AQP4: variants seen among roughly 807,000 people sequenced by gnomAD.
AQP4 encodes aquaporin-4.
A neutral mutation model predicts 27.8 loss-of-function variants in AQP4; 18 were observed. The ratio of observed to expected loss-of-function variants is 0.65; its 90% CI spans 0.45 to 0.96. AQP4 has a LOEUF of 0.96. Among genes scored for constraint, AQP4 ranks in the 40% least tolerant of loss-of-function variants. AQP4 has a pLI of 0.00. For missense variants in AQP4, 412 were observed against 408.2 expected (o/e 1.01, Z -0.08); for synonymous variants, 141 against 142.9 (o/e 0.99, Z 0.10).
intron 1 of AQP4, 76 bp downstream of exon 1, chr18:26,865,582 C>T (rs1568072189): frequency 1.3e-6 from 2 of 1,599,402 alleles, no homozygotes; most frequent in Admixed American, 3.3e-5. Context: ...TAAGAAGGCA[C>T]AAACATCTAT....
In AQP4 at chr18:26,855,260, A is replaced by C. The variant is rs780426389; in HGVS notation, c.*951T>G. On this transcript the variant is annotated 3_prime_UTR_variant, in exon 5 of 5. Coordinates refer to ENST00000383168, the MANE Select transcript of AQP4 (RefSeq NM_001650.7). The stretch of plus-strand genomic sequence containing the variant: ...AAAATATGTCTCAGCTAATGTTTAA[A>C]TATAGATAACCAAAGTTACAAACAA... 1 of 152,230 alleles carries C rather than the reference A, an allele frequency of 6.6e-6. No individual in the cohort carries two copies. The highest frequency in any genetic ancestry group is 1.5e-5 in the Non-Finnish European group (1 of 68,034). 9.4% of individuals were successfully genotyped at this position (152,230 alleles called of 1,614,324 possible). A position where few individuals can be genotyped will look rare whatever the true frequency, so the allele number is the denominator to read the frequency against.
chr18:26,856,244 T>C lies in AQP4; in HGVS notation c.939A>G (p.Lys313=). 1 of 1,614,210 alleles carries C rather than the reference T, an allele frequency of 6.2e-7. No homozygotes were observed. Among genetic ancestry groups the C allele is most frequent in the South Asian group, 1.1e-5 (1 of 91,080 alleles). Residue 313 remains lysine (K), a synonymous_variant, in exon 5 of 5, where the codon AAA becomes AAG. Transcript: ENST00000383168. ...DVDRGEEKKG[K]DQSGEVLSSV Reference sequence around the variant, plus strand: ...AAGACAATACCTCTCCAGATTGGTCTTTCCCCTTCTTCTCCTCTCCCCGGT... The same window carrying C: ...AAGACAATACCTCTCCAGATTGGTCCTTCCCCTTCTTCTCCTCTCCCCGGT...
chr18:26,862,108 C>T (rs2054956280), intron 2 of AQP4, 74 bp downstream of exon 2: 1 of 1,546,036 alleles, frequency 6.5e-7, no homozygotes, highest in Admixed American at 1.7e-5. Flanking sequence ...GTGCCTCATG[C>T]CACCAAGGCA....
rs3763043 is a variant in AQP4 at position 26,855,854 on chromosome 18, C to T, written c.*357G>A. The T allele has an allele frequency of 0.31, 94,477 of 303,576 alleles. 15,445 individuals carry two copies. The highest frequency in any genetic ancestry group is 0.47 in the Admixed American group (9,815 of 21,100). The allele number at this position is 303,576 out of a possible 1,614,324, so 18.8% of individuals were successfully genotyped here. A position where few individuals can be genotyped will look rare whatever the true frequency, so the allele number is the denominator to read the frequency against. Reference sequence around the variant, plus strand: ...ATAAGAATTGACTATACCAATATTCCAGTAGAGAAGGAATAAGCTGATAGA... The same window carrying T: ...ATAAGAATTGACTATACCAATATTCTAGTAGAGAAGGAATAAGCTGATAGA... On this transcript the variant is annotated 3_prime_UTR_variant, in exon 5 of 5. Transcript: ENST00000383168.
chr18:26,865,477 C>T (rs1336060950), intron 1 of AQP4, 181 bp downstream of exon 1: 7 of 786,594 alleles, frequency 8.9e-6, no homozygotes, highest in Non-Finnish European at 4.4e-6. Context: ...CATCCCTTTT[C>T]TTCTACCTTC....
chr18:26,859,842 T>A (rs1210707625), intron 4 of AQP4, among the ~76,000 whole-genome samples: 1 of 152,220 alleles, frequency 6.6e-6, no homozygotes, highest in Non-Finnish European at 1.5e-5. Flanking sequence ...ACAAGGGGCA[T>A]ATTCTGTTAT....
Position 26,856,117 on chromosome 18 carries a change from T to A in AQP4, c.*94A>T. 2 of 1,489,136 alleles carry A rather than the reference T, an allele frequency of 1.3e-6. No individual in the cohort carries two copies. Among genetic ancestry groups the A allele is most frequent in the South Asian group, 2.3e-5 (2 of 87,766 alleles). 92.2% of individuals were successfully genotyped at this position (1,489,136 alleles called of 1,614,324 possible). ...GACATGAAACAACAAACCTGCACAT[T>A]TCTAATTTATAACAAATCTGTTTCC... is the stretch of plus-strand genomic sequence containing the variant. On this transcript the variant is annotated 3_prime_UTR_variant, in exon 5 of 5. Coordinates refer to ENST00000383168, the MANE Select transcript of AQP4 (RefSeq NM_001650.7).
intron 4 of AQP4, among the ~76,000 whole-genome samples, chr18:26,858,811 A>G (rs550351171): frequency 6.6e-5 from 10 of 152,340 alleles, no homozygotes; most frequent in African/African-American, 2.2e-4. Flanking sequence ...AAATGAAGTC[A>G]TATGTACTTT....
intron 1 of AQP4, chr18:26,863,247 G>T (rs989552016): frequency 6.5e-6 from 1 of 154,252 alleles, no homozygotes; most frequent in Non-Finnish European, 1.4e-5. Context: ...CGCCAGGAAC[G>T]AGCAGGCTGC....
intron 1 of AQP4, chr18:26,865,299 G>A (rs756436417): frequency 3.4e-5 from 13 of 384,092 alleles, no homozygotes; most frequent in African/African-American, 2.3e-4. Flanking sequence ...GTACTGAATC[G>A]GACACATTAC....
chr18:26,857,887 G>C (rs952182255), intron 4 of AQP4, among the ~76,000 whole-genome samples: 1 of 152,200 alleles, frequency 6.6e-6, no homozygotes, highest in Admixed American at 6.5e-5. Flanking sequence ...ATGAAAAGAA[G>C]AGTGACACTC....
At chr18:26,861,894 A>G in intron 2 of AQP4, 2 of 479,042 alleles carry the variant, frequency 4.2e-6, no homozygotes, top group East Asian at 4.0e-5. Context: ...TAAGCTAAAT[A>G]TAAAGTCAAT....
chr18:26,861,437 T>C (rs2054942502), intron 2 of AQP4, 142 bp from the exon 3 acceptor site: 3 of 780,868 alleles, frequency 3.8e-6, no homozygotes, highest in South Asian at 3.3e-5. Context: ...GAGAATTTCC[T>C]TCTCTCACCC....
At chr18:26,865,768 G>T, upstream of AQP4, 1 of 1,558,744 alleles carries the variant, frequency 6.4e-7, no homozygotes, top group African/African-American at 1.4e-5. Context: ...ACGGCCACTT[G>T]TCTGATTGGG....
At chr18:26,857,128 T>G (rs1303788080) in intron 4 of AQP4, among the ~76,000 whole-genome samples, 1 of 152,158 alleles carries the variant, frequency 6.6e-6, no homozygotes, top group East Asian at 1.9e-4. Context: ...TGATAGTTTT[T>G]AGCTCGTAGT....
chr18:26,864,396 G>C (rs75822638), intron 1 of AQP4, among the ~76,000 whole-genome samples: 2 of 151,938 alleles, frequency 1.3e-5, no homozygotes, highest in Non-Finnish European at 2.9e-5. Context: ...TAAAGGAAGA[G>C]CTGGCTCCAC....
In AQP4 at chr18:26,856,077, T is replaced by C. The variant is rs2054834840; in HGVS notation, c.*134A>G. On this transcript the variant is annotated 3_prime_UTR_variant, in exon 5 of 5. Transcript: ENST00000383168. Reference sequence around the variant, plus strand: ...TGTAAATTATGAAATATTTATTGTTTAGACTGAGTAATATGACATGAAACA... The same window carrying C: ...TGTAAATTATGAAATATTTATTGTTCAGACTGAGTAATATGACATGAAACA... 9.2e-7 allele frequency: 1 copy of C among 1,091,582 alleles called. No homozygotes were observed. The highest frequency in any genetic ancestry group is 1.3e-5 in the South Asian group (1 of 77,248). 67.6% of individuals were successfully genotyped at this position (1,091,582 alleles called of 1,614,324 possible). A position where few individuals can be genotyped will look rare whatever the true frequency, so the allele number is the denominator to read the frequency against.
intron 1 of AQP4, among the ~76,000 whole-genome samples, chr18:26,864,322 A>C (rs1212785360): frequency 6.6e-6 from 1 of 152,092 alleles, no homozygotes; most frequent in Non-Finnish European, 1.5e-5. Flanking sequence ...TTAGTTTGCT[A>C]TGGGGCTTTG....
rs767742235 is a variant in AQP4, at chr18:26,853,004, C to T, written c.*3207G>A. 3 of 397,326 alleles carry T rather than the reference C, an allele frequency of 7.6e-6. No individual in the cohort carries two copies. Among genetic ancestry groups the T allele is most frequent in the East Asian group, 3.6e-5 (1 of 28,052 alleles). 24.6% of individuals were successfully genotyped at this position (397,326 alleles called of 1,614,324 possible). A position where few individuals can be genotyped will look rare whatever the true frequency, so the allele number is the denominator to read the frequency against. On this transcript the variant is annotated 3_prime_UTR_variant, in exon 5 of 5. Coordinates refer to ENST00000383168, the MANE Select transcript of AQP4 (RefSeq NM_001650.7). ...TAGTTTGGAATTTTCCTGTCATTAT[C>T]GAGTTTAAACCAATACATGTGTTGT...
Sources: gnomAD v4.1 joint callset for allele counts (sites outside exome capture counted in the v4.1 genomes callset) on GRCh38, gnomAD v4.1.1 for gene constraint, MANE v1.5 for transcripts, NCBI Gene and HGNC (gene_info 2026-07-23, HGNC 2026-07-21) for gene names.